The following NUP214 variants were observed in gnomAD, a reference collection of about 807,000 sequenced individuals.
NUP214 encodes nuclear pore complex protein Nup214.
In NUP214, 79 loss-of-function variants were observed where a neutral mutation model predicts 196.2. The observed-to-expected ratio is 0.40, with a 90% confidence interval of 0.34 to 0.49. The LOEUF is 0.49. Among genes scored for constraint, NUP214 ranks in the 20% least tolerant of loss-of-function variants. NUP214 has a pLI of 0.58. For missense variants in NUP214, 2,468 were observed against 2,539.0 expected (o/e 0.97, Z 0.60); for synonymous variants, 1,020 against 990.5 (o/e 1.03, Z -0.56).
rs149924920 is a variant in NUP214, at chr9:131,201,704, T to G, written c.5579T>G (p.Ile1860Arg). 6.2e-7 allele frequency: 1 copy of G among 1,613,748 alleles called. No homozygotes were observed. The highest frequency in any genetic ancestry group is 8.5e-7 in the Non-Finnish European group (1 of 1,179,746). ...VFGQAASTGG[I>R]VFGQQSSSSS... ...GGTCAAGCAGCCAGTACTGGTGGAA[T>G]AGTCTTTGGCCAGGTAAATATGCAT... is the stretch of plus-strand genomic sequence containing the variant. The change falls in exon 30 of 36, where the codon ATA becomes AGA. Residue 1860 changes from isoleucine (I) to arginine (R), a missense_variant. Physicochemically the swap from Ile to Arg is moderately conservative, Grantham distance 97 (BLOSUM62 -3). Around this residue, in one of 5 missense-constraint regions of NUP214, gnomAD observed 262 missense variants for 296.5 expected, o/e 0.88. Transcript: ENST00000359428.
chr9:131,176,578 C>T (rs943270699), intron 23 of NUP214, among the ~76,000 whole-genome samples: 1 of 152,194 alleles, frequency 6.6e-6, no homozygotes, highest in Non-Finnish European at 1.5e-5. Context: ...ATCCACCCGC[C>T]TCTACCTCCC....
intron 11 of NUP214, 61 bp downstream of exon 11, chr9:131,140,771 C>T (rs1564181339): frequency 4.7e-6 from 7 of 1,504,640 alleles, no homozygotes; most frequent in Non-Finnish European, 6.4e-6. Flanking sequence ...AAGAGTATTT[C>T]CAAGAATGAA....
At chr9:131,160,936 T>A (rs1196574280) in intron 18 of NUP214, among the ~76,000 whole-genome samples, 2 of 152,220 alleles carry the variant, frequency 1.3e-5, no homozygotes, top group Non-Finnish European at 2.9e-5. Flanking sequence ...CACACCTGGT[T>A]CTGATTCATG....
chr9:131,230,710 A>G lies in NUP214; in HGVS notation c.6155A>G (p.Gln2052Arg). The G allele has an allele frequency of 6.2e-7, 1 of 1,614,142 alleles. No individual in the cohort carries two copies. Among genetic ancestry groups the G allele is most frequent in the Non-Finnish European group, 8.5e-7 (1 of 1,180,000 alleles). ...NAPTFGSLSQ[Q>R]TSGFGTQSSG... ...CCCACTTTCGGATCACTGTCCCAAC[A>G]GACTTCTGGTTTTGGGACCCAGAGT... The change falls in exon 34 of 36, where the codon CAG becomes CGG. Residue 2052 changes from glutamine to arginine, a missense_variant. Physicochemically the swap from Gln to Arg is conservative, Grantham distance 43. This residue lies in a region of NUP214 where 262 missense variants were observed against 296.5 expected (regional missense o/e 0.88). Coordinates refer to ENST00000359428, the MANE Select transcript of NUP214 (RefSeq NM_005085.4).
intron 7 of NUP214, 107 bp from the exon 8 acceptor site, chr9:131,134,790 TA>T: frequency 1.4e-6 from 1 of 717,282 alleles, no homozygotes; most frequent in Non-Finnish European, 2.3e-6. Flanking sequence ...GGACTTTGAG[TA>T]AATATTCTCA....
intron 9 of NUP214, among the ~76,000 whole-genome samples, chr9:131,138,192 TCCTTCCTTTC>T (rs927060343): frequency 1.3e-5 from 2 of 150,806 alleles, no homozygotes; most frequent in African/African-American, 4.9e-5. Flanking sequence ...TCCTTCCTTT[TCCTTCCTTTC>T]CCTCCACTCC....
intron 24 of NUP214, among the ~76,000 whole-genome samples, chr9:131,184,171 C>T (rs1176675550): frequency 2.7e-5 from 4 of 150,846 alleles, no homozygotes; most frequent in African/African-American, 9.8e-5. Flanking sequence ...GCTGGGATTA[C>T]AGGTGTGCAC....
chr9:131,193,163 T>C (rs1296936301), intron 27 of NUP214, among the ~76,000 whole-genome samples: 1 of 152,140 alleles, frequency 6.6e-6, no homozygotes, highest in African/African-American at 2.4e-5. Flanking sequence ...ATACCTTATC[T>C]CAAGATGAGC....
intron 21 of NUP214, chr9:131,167,442 A>G (rs553259114): frequency 6.6e-6 from 1 of 152,340 alleles, no homozygotes; most frequent in East Asian, 1.9e-4. Context: ...GGTTCTGAAT[A>G]TTCCCGTGTG....
intron 18 of NUP214, among the ~76,000 whole-genome samples, chr9:131,160,002 T>C (rs1832582295): frequency 6.6e-6 from 1 of 152,156 alleles, no homozygotes; most frequent in Non-Finnish European, 1.5e-5. Context: ...GTATAATTTA[T>C]GATAGTGAAA....
chr9:131,198,878 G>A lies in NUP214; in HGVS notation c.5384G>A (p.Gly1795Glu), dbSNP rs542840446. ...GGACAGTCTTCTCCCAACACAGGAGGGGGGCTGTTTGGCCAAAGCAACGCT... is the reference window on the plus strand; with the variant it reads ...GGACAGTCTTCTCCCAACACAGGAGAGGGGCTGTTTGGCCAAAGCAACGCT... Reference protein sequence around the residue: ...SFGQSSPNTGGGLFGQSNAPA... With the variant: ...SFGQSSPNTGEGLFGQSNAPA... The change falls in exon 29 of 36, where the codon GGG (glycine) becomes GAG (glutamate). Residue 1795 changes from glycine (G) to glutamate (E), a missense_variant. Physicochemically the swap from Gly to Glu is moderately conservative, Grantham distance 98 (BLOSUM62 -2). Coordinates refer to ENST00000359428, the MANE Select transcript of NUP214 (RefSeq NM_005085.4). 8.1e-6 allele frequency: 13 copies of A among 1,614,078 alleles called. No individual in the cohort carries two copies. Among genetic ancestry groups the A allele is most frequent in the Admixed American group, 3.3e-5 (2 of 59,998 alleles).
At chr9:131,182,775 A>T (rs1268895254) in intron 24 of NUP214, among the ~76,000 whole-genome samples, 1 of 152,068 alleles carries the variant, frequency 6.6e-6, no homozygotes, top group Non-Finnish European at 1.5e-5. Context: ...TATTTATCCC[A>T]TCTGTTTGTT....
chr9:131,201,188 G>T (rs1241550611), intron 29 of NUP214, among the ~76,000 whole-genome samples: 1 of 150,858 alleles, frequency 6.6e-6, no homozygotes, highest in Non-Finnish European at 1.5e-5. Flanking sequence ...ATAAACTTAG[G>T]CTGGGTGCGG....
intron 1 of NUP214, among the ~76,000 whole-genome samples, chr9:131,126,815 G>C (rs1038275769): frequency 2.0e-5 from 3 of 152,096 alleles, no homozygotes; most frequent in Admixed American, 2.0e-4. Flanking sequence ...CTCCCAAAGT[G>C]CTGGGATTAT....
Position 131,201,031 on chromosome 9 carries a change from C to T in NUP214, c.5522-616C>T, listed in dbSNP as rs552650856. Among the ~76,000 whole-genome samples the T allele has an allele frequency of 9.3e-5, 14 of 150,750 alleles. No individual in the cohort carries two copies. The South Asian group carries it at 2.8e-3, about 30-fold the overall frequency. On this transcript the variant is annotated intron_variant, in intron 29 of 35. Transcript: ENST00000359428. ...GGATTCATTCCCCAGGGCTTTAGAA[C>T]TTACACTATTTTAAAATGTTAGCAA...
chr9:131,161,321 G>A (rs746145656), intron 18 of NUP214, among the ~76,000 whole-genome samples: 2 of 149,972 alleles, frequency 1.3e-5, no homozygotes, highest in South Asian at 2.1e-4. Flanking sequence ...GCAGTGGCGC[G>A]ATCTCGGCTC....
chr9:131,201,703 A>G lies in NUP214; in HGVS notation c.5578A>G (p.Ile1860Val). ...VFGQAASTGG[I>V]VFGQQSSSSS... ...TGGTCAAGCAGCCAGTACTGGTGGA[A>G]TAGTCTTTGGCCAGGTAAATATGCA... Residue 1860 changes from isoleucine to valine, a missense_variant, in exon 30 of 36, where the codon ATA becomes GTA. Physicochemically the swap from Ile to Val is conservative, Grantham distance 29. This residue lies in a region of NUP214 where 262 missense variants were observed against 296.5 expected (regional missense o/e 0.88). Coordinates refer to ENST00000359428, the MANE Select transcript of NUP214 (RefSeq NM_005085.4). 1.2e-6 allele frequency: 2 copies of G among 1,613,896 alleles called. No individual in the cohort carries two copies. The highest frequency in any genetic ancestry group is 1.7e-6 in the Non-Finnish European group (2 of 1,179,758).
rs75785563 is a variant in NUP214 at position 131,182,550 on chromosome 9, G to A, written c.3419+4140G>A. On this transcript the variant is annotated intron_variant, in intron 24 of 35. Transcript: ENST00000359428. Reference sequence around the variant, plus strand: ...TTTCATCCTGAAACCATCCCCCTCCGCTGTCCGTCTGTGGAAAAAATTGTC... The same window carrying A: ...TTTCATCCTGAAACCATCCCCCTCCACTGTCCGTCTGTGGAAAAAATTGTC... Among the ~76,000 whole-genome samples, 564 of 152,286 alleles carry A rather than the reference G, an allele frequency of 3.7e-3. 6 individuals carry two copies. Among genetic ancestry groups the A allele is most frequent in the African/African-American group, 0.013 (535 of 41,550 alleles).
At chr9:131,188,028 A>C (rs1394322881) in intron 25 of NUP214, among the ~76,000 whole-genome samples, 1 of 152,234 alleles carries the variant, frequency 6.6e-6, no homozygotes, top group African/African-American at 2.4e-5. Context: ...AGGTGTTTAG[A>C]TATGTCTCAC....
Sources: allele counts gnomAD v4.1 joint callset (sites outside exome capture counted in the v4.1 genomes callset), GRCh38; gene constraint gnomAD v4.1.1; regional missense constraint gnomAD v4.1.1; transcripts MANE v1.5; gene names NCBI Gene and HGNC (gene_info 2026-07-23, HGNC 2026-07-21).